The following CFAP92 variants were observed in gnomAD, a reference collection of about 807,000 sequenced individuals.
CFAP92 encodes cilia and flagella associated protein 92 (putative).
CFAP92 carries 86 observed loss-of-function variants against 106.3 expected under a neutral mutation model. That is an observed-to-expected ratio of 0.81 (90% CI 0.68 to 0.97). CFAP92 has a LOEUF of 0.97. Ranked by LOEUF, CFAP92 falls within the 50% of genes least tolerant of loss-of-function variation. CFAP92 has a pLI of 0.00. For missense variants in CFAP92, 1,204 were observed against 1,283.8 expected (o/e 0.94, Z 0.95); for synonymous variants, 477 against 506.4 (o/e 0.94, Z 0.78).
chr3:128,971,849 T>TTA (rs1942820630), intron 7 of CFAP92, among the ~76,000 whole-genome samples: 1 of 152,146 alleles, frequency 6.6e-6, no homozygotes, highest in African/African-American at 2.4e-5. Flanking sequence ...TAACCTCACC[T>TTA]GTTATATGAG....
intron 3 of CFAP92, among the ~76,000 whole-genome samples, chr3:128,988,168 T>G (rs1559935384): frequency 6.6e-6 from 1 of 152,222 alleles, no homozygotes; most frequent in South Asian, 2.1e-4. Context: ...TCTGCACACA[T>G]GCACACACAC....
chr3:128,993,253 T>C lies in CFAP92; in HGVS notation c.52A>G (p.Ile18Val). 6.2e-7 allele frequency: 1 copy of C among 1,613,926 alleles called. No homozygotes were observed. The highest frequency in any genetic ancestry group is 8.5e-7 in the Non-Finnish European group (1 of 1,179,858). ...TGGTAAAAGCTAGTGATGGAGGAGA[T>C]GGGCTCTATGCTTGCGGGGTCCTCT... ...WEEDPASIEP[I>V]SSITSFYQST... The change falls in exon 2 of 16, where the codon ATC becomes GTC. Residue 18 changes from isoleucine to valine, a missense_variant. By Grantham distance (29) the Ile-to-Val change is conservative. Coordinates refer to ENST00000645291, the MANE Select transcript of CFAP92 (RefSeq NM_001394090.1).
intron 15 of CFAP92, among the ~76,000 whole-genome samples, chr3:128,910,994 G>A (rs1269638053): frequency 6.6e-6 from 1 of 152,208 alleles, no homozygotes; most frequent in African/African-American, 2.4e-5. Context: ...GGCACTGTAG[G>A]TGCATACCTG....
chr3:129,015,233 G>A, the CFAP92 span, among the ~76,000 whole-genome samples: 1 of 151,966 alleles, frequency 6.6e-6, no homozygotes, highest in Non-Finnish European at 1.5e-5. Flanking sequence ...TTGGGCATAC[G>A]GCTCCCTCCA....
At chr3:129,001,157 G>A (rs978339490) in intron 1 of CFAP92, among the ~76,000 whole-genome samples, 2 of 152,332 alleles carry the variant, frequency 1.3e-5, no homozygotes, top group East Asian at 1.9e-4. Context: ...GCAACCGGAC[G>A]AGGCCGCCAC....
At position 128,953,567 on chromosome 3, in the gene CFAP92, GTCTCCC is replaced by G. The variant is rs1197869555; in HGVS notation, c.1354-7598_1354-7593del. Among the ~76,000 whole-genome samples the G allele has an allele frequency of 6.1e-3, 741 of 121,888 alleles. 4 individuals carry two copies. Among genetic ancestry groups the G allele is most frequent in the Non-Finnish European group, 7.4e-3 (433 of 58,878 alleles). The allele number at this position is 121,888 out of a possible 152,430, so 80.0% of individuals were successfully genotyped here. A position where few individuals can be genotyped will look rare whatever the true frequency, so the allele number is the denominator to read the frequency against. ...CACTCGCTTAAGAAGCAGCAACACG[GTCTCCC>G]TCTCCCTCTCCCTCTCCCTCTCCCT... On this transcript the variant is annotated intron_variant, in intron 9 of 15. Coordinates refer to ENST00000645291, the MANE Select transcript of CFAP92 (RefSeq NM_001394090.1).
intron 9 of CFAP92, among the ~76,000 whole-genome samples, chr3:128,964,629 C>G (rs900405021): frequency 2.0e-5 from 3 of 152,326 alleles, no homozygotes; most frequent in Middle Eastern, 3.4e-3. Flanking sequence ...CCTAGGTCCT[C>G]CCAATTCTTA....
chr3:128,989,003 T>C, intron 2 of CFAP92, 85 bp from the exon 3 acceptor site: 1 of 1,054,106 alleles, frequency 9.5e-7, no homozygotes, highest in Non-Finnish European at 1.4e-6. Flanking sequence ...AGCTTGATGT[T>C]GTGAGAGGCT....
At chr3:128,981,821 G>A (rs996308820) in intron 4 of CFAP92, among the ~76,000 whole-genome samples, 1 of 152,208 alleles carries the variant, frequency 6.6e-6, no homozygotes, top group East Asian at 1.9e-4. Context: ...AGAGACCTCA[G>A]GCAACCAGGT....
intron 9 of CFAP92, among the ~76,000 whole-genome samples, chr3:128,953,388 G>A (rs993716262): frequency 2.6e-5 from 4 of 151,920 alleles, no homozygotes; most frequent in East Asian, 1.9e-4. Flanking sequence ...GGTGGTGGGC[G>A]CCTGTAGTCC....
At chr3:129,003,491 C>T (rs1425434361), upstream of CFAP92, among the ~76,000 whole-genome samples, 1 of 151,292 alleles carries the variant, frequency 6.6e-6, no homozygotes, top group Admixed American at 6.6e-5. Context: ...AGAAGAGTCG[C>T]GAGGTTGGTA....
At chr3:128,957,918 T>C (rs551713340) in intron 9 of CFAP92, among the ~76,000 whole-genome samples, 1 of 152,296 alleles carries the variant, frequency 6.6e-6, no homozygotes, top group African/African-American at 2.4e-5. Flanking sequence ...AGGGCCACAT[T>C]TCCTCAGAAG....
At position 128,945,517 on chromosome 3, in the gene CFAP92, C is replaced by T. The variant is rs1940125297; in HGVS notation, c.1812G>A (p.Lys604=). ...THCGQDSRRR[K]VVGLGVPRDG... ...CTCTGGGGACCCCAAGCCCCACAAC[C>T]TTCCTTCTCCTGCTGTCCTGGCCGC... The change falls in exon 10 of 16, where the codon AAG becomes AAA. Residue 604 remains lysine, a synonymous_variant. Coordinates refer to ENST00000645291, the MANE Select transcript of CFAP92 (RefSeq NM_001394090.1). 3 of 1,536,060 alleles carry T rather than the reference C, an allele frequency of 2.0e-6. No individual in the cohort carries two copies. Among genetic ancestry groups the T allele is most frequent in the Middle Eastern group, 1.7e-4 (1 of 6,012 alleles).
At chr3:128,930,719 C>T (rs13085335) in intron 12 of CFAP92, among the ~76,000 whole-genome samples, 21,832 of 151,996 alleles carry the variant, frequency 0.14, 1,638 homozygotes, top group Middle Eastern at 0.16. Context: ...CCACTACACT[C>T]GAGCCTGGGC....
At chr3:129,023,309 T>G in the CFAP92 span, among the ~76,000 whole-genome samples, 1 of 137,326 alleles carries the variant, frequency 7.3e-6, no homozygotes, top group African/African-American at 2.7e-5. Context: ...GCCTCTTGCT[T>G]CTTTTTTTTT....
Position 128,935,165 on chromosome 3 carries a change from G to T in CFAP92, c.2413C>A (p.Arg805=). The part of the protein sequence containing the change: ...LLLQQAVFFL[R]DTERRRVFQA... Reference sequence around the variant, plus strand: ...AAGACCCGCCTCCGCTCAGTGTCTCGCAGGAAGAACACCGCCTGCTGCAGC... The same window carrying T: ...AAGACCCGCCTCCGCTCAGTGTCTCTCAGGAAGAACACCGCCTGCTGCAGC... The change falls in exon 11 of 16, where the codon CGA becomes AGA. Residue 805 remains arginine (R), a synonymous_variant. Transcript: ENST00000645291. 2 of 1,535,370 alleles carry T rather than the reference G, an allele frequency of 1.3e-6. No homozygotes were observed. The highest frequency in any genetic ancestry group is 1.7e-6 in the Non-Finnish European group (2 of 1,146,414).
chr3:128,922,025 G>A (rs559514915), intron 12 of CFAP92, among the ~76,000 whole-genome samples: 1 of 152,158 alleles, frequency 6.6e-6, no homozygotes, highest in Admixed American at 6.5e-5. Context: ...GGGAATAATT[G>A]ACTCTGATTA....
At chr3:128,973,286 C>T (rs765862964) in intron 7 of CFAP92, among the ~76,000 whole-genome samples, 3 of 152,096 alleles carry the variant, frequency 2.0e-5, no homozygotes, top group Non-Finnish European at 4.4e-5. Context: ...TCAGCCTCAC[C>T]AGGAGTCAGG....
At chr3:128,935,649 T>C (rs1401466700) in intron 10 of CFAP92, among the ~76,000 whole-genome samples, 1 of 151,476 alleles carries the variant, frequency 6.6e-6, no homozygotes, top group Admixed American at 6.6e-5. Context: ...GAGGCGGAGG[T>C]TGTGGTGAGC....
Sources: allele counts gnomAD v4.1 joint callset (sites outside exome capture counted in the v4.1 genomes callset), GRCh38; gene constraint gnomAD v4.1.1; transcripts MANE v1.5; gene names NCBI Gene and HGNC (gene_info 2026-07-23, HGNC 2026-07-21).